Variants in SH3PXD2A observed in about 807,000 individuals in gnomAD.
SH3PXD2A encodes the protein SH3 and PX domains 2A, also known as SH3 and PX domain-containing protein 2A.
Under a neutral mutation model 115.2 loss-of-function variants are expected in SH3PXD2A, and 32 were observed. The ratio of observed to expected loss-of-function variants is 0.28; its 90% confidence interval spans 0.21 to 0.37. The LOEUF is 0.37. SH3PXD2A is among the 10% of genes least tolerant of loss of function. The pLI is 1.00. For missense variants in SH3PXD2A, 1,328 were observed against 1,498.7 expected (o/e 0.89, Z 1.88); for synonymous variants, 610 against 629.1 (o/e 0.97, Z 0.45).
Position 103,607,179 on chromosome 10 carries a change from C to T in SH3PXD2A, c.1309-1262G>A, listed in dbSNP as rs556020069. 5.1e-3 allele frequency among the ~76,000 whole-genome samples: 778 copies of T among 151,556 alleles called. 4 individuals are homozygous for T. The highest frequency in any genetic ancestry group is 8.6e-3 in the Non-Finnish European group (584 of 67,766). On this transcript the variant is annotated intron_variant, in intron 13 of 14. Coordinates refer to ENST00000369774, the MANE Select transcript of SH3PXD2A (RefSeq NM_001394015.1). The stretch of plus-strand genomic sequence containing the variant: ...CTGGGATGTGAGGAGCGCCTCTCCC[C>T]GGCCGCGACCCCGTCTGGGAGGTGA...
chr10:103,750,990 CG>C (rs1564880248), intron 3 of SH3PXD2A, among the ~76,000 whole-genome samples: 1 of 152,170 alleles, frequency 6.6e-6, no homozygotes, highest in East Asian at 1.9e-4. Flanking sequence ...AACACCACAG[CG>C]GGAAACGGAC....
chr10:103,617,346 T>G, intron 10 of SH3PXD2A, 32 bp from the exon 11 acceptor site: 3 of 1,514,812 alleles, frequency 2.0e-6, no homozygotes, highest in African/African-American at 1.4e-5. Context: ...CAAGATTATT[T>G]GAGGTCGGGG....
At chr10:103,798,294 A>T (rs1384681596) in intron 2 of SH3PXD2A, among the ~76,000 whole-genome samples, 1 of 152,088 alleles carries the variant, frequency 6.6e-6, no homozygotes, top group Admixed American at 6.6e-5. Context: ...CACGACCTAA[A>T]CTGGTTTAGC....
rs189425209 is a variant in SH3PXD2A at position 103,752,014 on chromosome 10, C to T, written c.229+15080G>A. Among the ~76,000 whole-genome samples the T allele has an allele frequency of 6.6e-5, 10 of 152,278 alleles. No individual in the cohort carries two copies. The East Asian group carries it at 1.7e-3, about 26-fold the overall frequency. ...ATTCCTACTAACCCTAGCTGATTCC[C>T]CGCCTCCCAAACCTAGAGAGGGGAG... is the stretch of plus-strand genomic sequence containing the variant. On this transcript the variant is annotated intron_variant, in intron 3 of 14. Transcript: ENST00000369774.
chr10:103,810,980 A>G (rs2039264471), intron 1 of SH3PXD2A, among the ~76,000 whole-genome samples: 1 of 143,046 alleles, frequency 7.0e-6, no homozygotes, highest in Non-Finnish European at 1.5e-5. Context: ...ACACACACAC[A>G]CACGGCAGTG....
rs1451735785 is a variant in SH3PXD2A, at chr10:103,598,116, T to C, written c.*3700A>G. 1.3e-5 allele frequency: 2 copies of C among 152,632 alleles called. No homozygotes were observed. The highest frequency in any genetic ancestry group is 2.9e-5 in the Non-Finnish European group (2 of 68,040). 9.5% of individuals were successfully genotyped at this position (152,632 alleles called of 1,614,324 possible). On this transcript the variant is annotated 3_prime_UTR_variant, in exon 15 of 15. Coordinates refer to ENST00000369774, the MANE Select transcript of SH3PXD2A (RefSeq NM_001394015.1). ...AACATCTGAAAGTGATTAAAATGAT[T>C]CTATATAATGCCTTCGTCAAGATGG...
chr10:103,724,231 C>G, intron 5 of SH3PXD2A, 39 bp downstream of exon 5: 2 of 1,222,596 alleles, frequency 1.6e-6, no homozygotes. Context: ...TTAGCCCACG[C>G]CTCCCCAGCA....
At chr10:103,724,687 A>G (rs2038219933) in intron 4 of SH3PXD2A, among the ~76,000 whole-genome samples, 1 of 151,804 alleles carries the variant, frequency 6.6e-6, no homozygotes, top group South Asian at 2.1e-4. Context: ...AAAACCCCTA[A>G]CCAGTTATCC....
chr10:103,729,877 A>T (rs149795587), intron 4 of SH3PXD2A, among the ~76,000 whole-genome samples: 1 of 152,114 alleles, frequency 6.6e-6, no homozygotes, highest in Non-Finnish European at 1.5e-5. Flanking sequence ...AGACCATTTC[A>T]TGGGGGCCAT....
chr10:103,707,756 C>G (rs1275552965), intron 5 of SH3PXD2A, among the ~76,000 whole-genome samples: 1 of 152,110 alleles, frequency 6.6e-6, no homozygotes, highest in Admixed American at 6.6e-5. Context: ...GAGGCATAGT[C>G]AGTTAAGTCA....
chr10:103,691,842 C>T (rs1041151022), intron 6 of SH3PXD2A, among the ~76,000 whole-genome samples: 1 of 152,124 alleles, frequency 6.6e-6, no homozygotes, highest in African/African-American at 2.4e-5. Flanking sequence ...AACCCCACAG[C>T]CACACACGCC....
intron 1 of SH3PXD2A, among the ~76,000 whole-genome samples, chr10:103,852,324 T>C (rs1842903918): frequency 6.6e-6 from 1 of 152,264 alleles, no homozygotes; most frequent in Non-Finnish European, 1.5e-5. Flanking sequence ...CCCCTCCCCG[T>C]GGGGATGAGC....
At chr10:103,617,068 C>T in intron 11 of SH3PXD2A, 129 bp downstream of exon 11, 1 of 705,322 alleles carries the variant, frequency 1.4e-6, no homozygotes, top group Admixed American at 2.1e-5. Context: ...GGTGCAGCAG[C>T]CCAGCCCTGT....
chr10:103,714,085 G>A (rs2038077234), intron 5 of SH3PXD2A, among the ~76,000 whole-genome samples: 1 of 152,196 alleles, frequency 6.6e-6, no homozygotes, highest in African/African-American at 2.4e-5. Context: ...CCATGGAGGG[G>A]TAACTACCCA....
At chr10:103,838,092 C>G (rs2039563163) in intron 1 of SH3PXD2A, among the ~76,000 whole-genome samples, 1 of 152,200 alleles carries the variant, frequency 6.6e-6, no homozygotes, top group African/African-American at 2.4e-5. Flanking sequence ...CAGAACTCAG[C>G]TAGGAAATCC....
chr10:103,838,125 C>A (rs2039563575), intron 1 of SH3PXD2A, among the ~76,000 whole-genome samples: 1 of 152,214 alleles, frequency 6.6e-6, no homozygotes, highest in African/African-American at 2.4e-5. Flanking sequence ...AATCTTTACA[C>A]TCGCCCTTCC....
intron 11 of SH3PXD2A, among the ~76,000 whole-genome samples, chr10:103,615,483 GGTGTGTGTGTGT>G (rs57711259): frequency 0.039 from 5,055 of 128,562 alleles, 140 homozygotes; most frequent in Middle Eastern, 0.07. Context: ...AGAGTGCGAG[GGTGTGTGTGTGT>G]GTGTGTGTGT....
At chr10:103,607,586 G>A (rs1244635673) in intron 13 of SH3PXD2A, among the ~76,000 whole-genome samples, 1 of 151,962 alleles carries the variant, frequency 6.6e-6, no homozygotes, top group African/African-American at 2.4e-5. Context: ...GGGCGCCTCT[G>A]CCCGGCCGCC....
rs1036996957 is a variant in SH3PXD2A at position 103,772,948 on chromosome 10, G to C, written c.154-5779C>G. ...CTTAAAAAGAGACAAGGACAGCCGG[G>C]CGCGGTGGCTCACGCCTGTAATCCC... On this transcript the variant is annotated intron_variant, in intron 2 of 14. Coordinates refer to ENST00000369774, the MANE Select transcript of SH3PXD2A (RefSeq NM_001394015.1). Among the ~76,000 whole-genome samples, 3 of 152,352 alleles carry C rather than the reference G, an allele frequency of 2.0e-5. No homozygotes were observed. The East Asian group carries it at 5.8e-4, about 29-fold the overall frequency.
Sources: gnomAD v4.1 joint callset for allele counts (sites outside exome capture counted in the v4.1 genomes callset) on GRCh38, gnomAD v4.1.1 for gene constraint, MANE v1.5 for transcripts, NCBI Gene and HGNC (gene_info 2026-07-23, HGNC 2026-07-21) for gene names.